Variants in NELL2 observed in about 807,000 individuals in gnomAD.
The protein encoded by NELL2 is protein kinase C-binding protein NELL2.
A neutral mutation model predicts 109.6 loss-of-function variants in NELL2; 41 were observed. The ratio of observed to expected loss-of-function variants is 0.37; its 90% CI spans 0.29 to 0.49. The LOEUF (loss-of-function observed/expected upper bound fraction) is 0.49. Among genes scored for constraint, NELL2 ranks in the 20% least tolerant of loss-of-function variants. The pLI is 0.98. For missense variants in NELL2, 900 were observed against 1,008.3 expected (o/e 0.89, Z 1.45); for synonymous variants, 355 against 344.7 (o/e 1.03, Z -0.33).
chr12:44,521,088 C>T (rs1941504654), intron 18 of NELL2, among the ~76,000 whole-genome samples: 1 of 152,170 alleles, frequency 6.6e-6, no homozygotes, highest in African/African-American at 2.4e-5. Flanking sequence ...TCATTTACAC[C>T]ACTAGAAACA....
intron 1 of NELL2, among the ~76,000 whole-genome samples, chr12:44,907,238 A>T (rs1395107507): frequency 6.6e-6 from 1 of 152,096 alleles, no homozygotes; most frequent in East Asian, 1.9e-4. Flanking sequence ...TCATAGCAGC[A>T]TGAGAATGGA....
intron 15 of NELL2, among the ~76,000 whole-genome samples, chr12:44,589,486 T>C (rs993834069): frequency 1.3e-5 from 2 of 152,042 alleles, no homozygotes; most frequent in African/African-American, 4.8e-5. Context: ...CAGGTTCAAA[T>C]GATTCTCCTG....
chr12:44,553,670 T>C (rs900194151), intron 15 of NELL2, among the ~76,000 whole-genome samples: 1 of 152,188 alleles, frequency 6.6e-6, no homozygotes, highest in Non-Finnish European at 1.5e-5. Context: ...GCATTGTATA[T>C]GGGTATCGAA....
chr12:44,713,177 T>TACACACAC (rs35017907), intron 10 of NELL2, among the ~76,000 whole-genome samples: 16 of 142,014 alleles, frequency 1.1e-4, no homozygotes, highest in African/African-American at 3.7e-4. Flanking sequence ...ATGAATAGGA[T>TACACACAC]ACACACACAC....
intron 9 of NELL2, among the ~76,000 whole-genome samples, chr12:44,758,985 C>A (rs149969534): frequency 1.3e-5 from 2 of 152,178 alleles, no homozygotes; most frequent in South Asian, 2.1e-4. Context: ...TGACTGACCA[C>A]TGGTTTCACC....
intron 3 of NELL2, among the ~76,000 whole-genome samples, chr12:44,808,494 A>G (rs1056763831): frequency 3.3e-5 from 5 of 152,058 alleles, no homozygotes; most frequent in Admixed American, 6.6e-5. Flanking sequence ...ATAATGATAT[A>G]GAAACACTTC....
At chr12:44,599,899 G>T (rs765770) in intron 15 of NELL2, among the ~76,000 whole-genome samples, 44,813 of 150,216 alleles carry the variant, frequency 0.3, 6,900 homozygotes, top group East Asian at 0.46. Flanking sequence ...AGAAACCTCA[G>T]AGGCCCCCCA....
intron 16 of NELL2, chr12:44,523,726 A>C (rs963145416): frequency 5.3e-5 from 28 of 525,740 alleles, no homozygotes; most frequent in African/African-American, 5.1e-4. Context: ...TTCAACTTTT[A>C]TATCTCTGTA....
intron 9 of NELL2, among the ~76,000 whole-genome samples, chr12:44,717,260 T>C (rs1938538176): frequency 1.3e-5 from 2 of 152,076 alleles, no homozygotes; most frequent in Non-Finnish European, 1.5e-5. Flanking sequence ...CAAGGAATCA[T>C]AAAAATGCCA....
rs377358233 is a variant in NELL2 at position 44,585,428 on chromosome 12, T to C, written c.1663+21741A>G. 8.9e-3 allele frequency among the ~76,000 whole-genome samples: 1,357 copies of C among 152,066 alleles called. 14 individuals are homozygous for C. Among genetic ancestry groups the C allele is most frequent in the African/African-American group, 0.031 (1,277 of 41,474 alleles). On this transcript the variant is annotated intron_variant, in intron 15 of 19. Coordinates refer to ENST00000429094, the MANE Select transcript of NELL2 (RefSeq NM_001145108.2). ...ACCACCCTGGCCAACATGGCGAAAC[T>C]CCTTCTTTACTAAAAATACAAAAAT...
chr12:44,566,396 C>G (rs937558588), intron 15 of NELL2, among the ~76,000 whole-genome samples: 1 of 151,994 alleles, frequency 6.6e-6, no homozygotes, highest in Non-Finnish European at 1.5e-5. Flanking sequence ...AAGACAAACT[C>G]AGGGAGAAGA....
chr12:44,660,630 G>C (rs901624931), intron 13 of NELL2, among the ~76,000 whole-genome samples: 1 of 152,116 alleles, frequency 6.6e-6, no homozygotes, highest in Non-Finnish European at 1.5e-5. Context: ...TAATCCCTAG[G>C]CTGGGGCAAG....
intron 15 of NELL2, among the ~76,000 whole-genome samples, chr12:44,587,284 A>AAAAAAAAAAAAAAAATATATATAT: frequency 4.7e-4 from 34 of 72,172 alleles, no homozygotes; most frequent in South Asian, 6.9e-4. Flanking sequence ...AAAAAAAAAA[A>AAAAAAAAAAAAAAAATATATATAT]ATATATATAT....
chr12:44,511,985 A>G (rs71455484), intron 19 of NELL2, among the ~76,000 whole-genome samples: 5 of 152,268 alleles, frequency 3.3e-5, no homozygotes, highest in African/African-American at 1.2e-4. Flanking sequence ...GATAAATGAG[A>G]CTATATCAAA....
intron 17 of NELL2, chr12:44,522,845 T>C (rs1423825872): frequency 2.5e-5 from 4 of 158,340 alleles, no homozygotes; most frequent in Non-Finnish European, 5.6e-5. Context: ...AGGAAAAAAT[T>C]AGCATGGTTA....
At chr12:44,698,046 T>A (rs1949115162) in intron 12 of NELL2, among the ~76,000 whole-genome samples, 1 of 152,202 alleles carries the variant, frequency 6.6e-6, no homozygotes, top group Non-Finnish European at 1.5e-5. Context: ...GTTCACCTGA[T>A]AACTTCATGT....
chr12:44,680,786 T>A (rs1948469179), intron 12 of NELL2, among the ~76,000 whole-genome samples: 1 of 152,192 alleles, frequency 6.6e-6, no homozygotes, highest in Admixed American at 6.5e-5. Flanking sequence ...ATTTAACTTG[T>A]ACTTACCTGC....
chr12:44,919,599 G>A (rs1283084590), intron 1 of NELL2, among the ~76,000 whole-genome samples: 2 of 152,170 alleles, frequency 1.3e-5, no homozygotes, highest in Admixed American at 6.5e-5. Flanking sequence ...TGAGCACAGA[G>A]AGAATGCTGT....
intron 9 of NELL2, among the ~76,000 whole-genome samples, chr12:44,762,429 A>C (rs1941165193): frequency 6.6e-6 from 1 of 152,278 alleles, no homozygotes; most frequent in African/African-American, 2.4e-5. Flanking sequence ...TACATCCAAA[A>C]CCTAATCATT....
Sources: allele counts gnomAD v4.1 joint callset (sites outside exome capture counted in the v4.1 genomes callset), GRCh38; gene constraint gnomAD v4.1.1; transcripts MANE v1.5; gene names NCBI Gene and HGNC (gene_info 2026-07-23, HGNC 2026-07-21).